Variants in COL14A1 observed in about 807,000 individuals in gnomAD.
COL14A1 encodes collagen type XIV alpha 1 chain, also known as collagen alpha-1(XIV) chain.
A neutral mutation model predicts 230.3 loss-of-function variants in COL14A1; 136 were observed. That is an observed-to-expected ratio of 0.59 (90% confidence interval 0.51 to 0.68). The LOEUF (loss-of-function observed/expected upper bound fraction) is 0.68, where lower values mean the gene tolerates loss of function less well. Ranked by LOEUF, COL14A1 falls within the 30% of genes least tolerant of loss-of-function variation. The pLI is 0.00. For missense variants in COL14A1, 1,976 were observed against 2,215.8 expected (o/e 0.89, Z 2.17); for synonymous variants, 792 against 784.1 (o/e 1.01, Z -0.17).
chr8:120,341,417 A>G (rs1822294749), intron 43 of COL14A1, 57 bp downstream of exon 43: 3 of 1,535,648 alleles, frequency 2.0e-6, no homozygotes, highest in Non-Finnish European at 2.7e-6. Context: ...CTTCCATTGC[A>G]TAAGCCTGAT....
At chr8:120,336,267 G>C (rs1822068186) in intron 42 of COL14A1, among the ~76,000 whole-genome samples, 1 of 152,122 alleles carries the variant, frequency 6.6e-6, no homozygotes, top group African/African-American at 2.4e-5. Flanking sequence ...AGACCCCTAA[G>C]CTGAGGGGTG....
chr8:120,359,298 C>A (rs1348741759), intron 45 of COL14A1, among the ~76,000 whole-genome samples: 1 of 150,354 alleles, frequency 6.7e-6, no homozygotes, highest in Non-Finnish European at 1.5e-5. Context: ...CATTATTCAA[C>A]TCCCACTTAT....
At chr8:120,272,370 T>C (rs1272889299) in intron 26 of COL14A1, among the ~76,000 whole-genome samples, 2 of 151,640 alleles carry the variant, frequency 1.3e-5, no homozygotes, top group Non-Finnish European at 3.0e-5. Context: ...ATAGGGCCTA[T>C]AAAACAATAA....
intron 19 of COL14A1, among the ~76,000 whole-genome samples, chr8:120,238,328 G>T (rs1818509665): frequency 6.6e-6 from 1 of 152,138 alleles, no homozygotes; most frequent in South Asian, 2.1e-4. Flanking sequence ...ATCTAGAGAG[G>T]CAGTCTGGCT....
intron 33 of COL14A1, among the ~76,000 whole-genome samples, chr8:120,289,317 T>C (rs1470729034): frequency 6.6e-6 from 1 of 152,174 alleles, no homozygotes; most frequent in Non-Finnish European, 1.5e-5. Flanking sequence ...ACAGCAGTCC[T>C]GTAATTTCAA....
At position 120,203,810 on chromosome 8, in the gene COL14A1, G is replaced by T; in HGVS notation, c.979G>T (p.Val327Leu). ...CGAATTCGATCTGATGCACACAGTTGTGGAGAGTCTGACCAGGACTCTCTG... is the reference window on the plus strand; with the variant it reads ...CGAATTCGATCTGATGCACACAGTTTTGGAGAGTCTGACCAGGACTCTCTG... ...VAEFDLMHTV[V>L]ESLTRTLCSR... Residue 327 changes from valine (V) to leucine (L), a missense_variant, in exon 9 of 48, where the codon GTG (valine) becomes TTG (leucine). Physicochemically the swap from Val to Leu is conservative, Grantham distance 32. Transcript: ENST00000297848. The T allele has an allele frequency of 1.2e-6, 2 of 1,613,988 alleles. No homozygotes were observed. The highest frequency in any genetic ancestry group is 8.5e-7 in the Non-Finnish European group (1 of 1,179,912).
chr8:120,149,266 A>G (rs540091638), intron 2 of COL14A1, among the ~76,000 whole-genome samples: 17 of 152,294 alleles, frequency 1.1e-4, no homozygotes, highest in African/African-American at 3.1e-4. Context: ...ACCACCACAC[A>G]CTGTTTCCTT....
At chr8:120,161,378 G>A (rs1364494642) in intron 3 of COL14A1, among the ~76,000 whole-genome samples, 3 of 152,132 alleles carry the variant, frequency 2.0e-5, no homozygotes, top group Admixed American at 1.3e-4. Context: ...AGTAAAATTT[G>A]GAATTCTGCA....
At chr8:120,202,763 C>T (rs905998347) in intron 8 of COL14A1, among the ~76,000 whole-genome samples, 4 of 151,668 alleles carry the variant, frequency 2.6e-5, no homozygotes, top group East Asian at 3.9e-4. Flanking sequence ...TTTAAGGGTT[C>T]GTGTTCACTG....
At chr8:120,225,037 C>A (rs1428428454) in intron 14 of COL14A1, 51 bp from the exon 15 acceptor site, 23 of 1,551,912 alleles carry the variant, frequency 1.5e-5, no homozygotes, top group Non-Finnish European at 1.9e-5. Flanking sequence ...TAAAATGATT[C>A]TTATACTTAG....
At chr8:120,175,354 A>G (rs1411468492) in intron 5 of COL14A1, among the ~76,000 whole-genome samples, 4 of 152,224 alleles carry the variant, frequency 2.6e-5, no homozygotes, top group African/African-American at 7.2e-5. Context: ...GAAATAATTA[A>G]GAGACTGATA....
chr8:120,137,333 G>A (rs1017861736), intron 1 of COL14A1, among the ~76,000 whole-genome samples: 1 of 151,938 alleles, frequency 6.6e-6, no homozygotes, highest in Admixed American at 6.6e-5. Flanking sequence ...TCCTGGTATT[G>A]TTAATTGTGT....
At chr8:120,311,037 T>G (rs1312594608) in intron 37 of COL14A1, among the ~76,000 whole-genome samples, 1 of 151,984 alleles carries the variant, frequency 6.6e-6, no homozygotes, top group Admixed American at 6.5e-5. Context: ...TACCATAAAA[T>G]TGGAAACAGA....
chr8:120,226,669 C>A lies in COL14A1; in HGVS notation c.1907C>A (p.Thr636Lys). The A allele has an allele frequency of 6.2e-7, 1 of 1,613,774 alleles. No individual in the cohort carries two copies. Among genetic ancestry groups the A allele is most frequent in the Non-Finnish European group, 8.5e-7 (1 of 1,179,826 alleles). Reference protein sequence around the residue: ...AQQYLEIDEVTTDSFRVTWHP... With the variant: ...AQQYLEIDEVKTDSFRVTWHP... ...CAATACTTAGAAATTGATGAGGTGA[C>A]GACAGACAGTTTTAGGGTGACCTGG... The change falls in exon 16 of 48, where the codon ACG (threonine) becomes AAG (lysine). Residue 636 changes from threonine to lysine, a missense_variant. Physicochemically the swap from Thr to Lys is moderately conservative, Grantham distance 78. Coordinates refer to ENST00000297848, the MANE Select transcript of COL14A1 (RefSeq NM_021110.4).
At chr8:120,161,140 G>T (rs1436056057) in intron 3 of COL14A1, among the ~76,000 whole-genome samples, 1 of 152,146 alleles carries the variant, frequency 6.6e-6, no homozygotes, top group African/African-American at 2.4e-5. Context: ...GCAAGAGAAA[G>T]ACTCCATTTT....
chr8:120,356,532 G>C (rs1371589936), intron 45 of COL14A1, among the ~76,000 whole-genome samples: 1 of 152,180 alleles, frequency 6.6e-6, no homozygotes, highest in African/African-American at 2.4e-5. Flanking sequence ...TGATGACATG[G>C]TGGTAAACAG....
In COL14A1 at chr8:120,250,752, G is replaced by T. The variant is rs775888383; in HGVS notation, c.2738G>T (p.Gly913Val). The change falls in exon 22 of 48, where the codon GGC (glycine) becomes GTC (valine). Residue 913 changes from glycine to valine, a missense_variant. Transcript: ENST00000297848. Reference protein sequence around the residue: ...QASGFSDALTGMVKTLFLGVT... With the variant: ...QASGFSDALTVMVKTLFLGVT... ...TCAGGCTTCAGCGACGCCCTGACAG[G>T]CATGGTGAAAACATGTAAGAGCCAT... 11 of 1,613,966 alleles carry T rather than the reference G, an allele frequency of 6.8e-6. No individual in the cohort carries two copies. In the Admixed American group the frequency reaches 1.0e-4, roughly 15 times the overall value.
At chr8:120,345,318 C>A in intron 44 of COL14A1, 57 bp from the exon 45 acceptor site, 1 of 1,471,588 alleles carries the variant, frequency 6.8e-7, no homozygotes. Context: ...CACCCCTGGT[C>A]CTCTCTTTCC....
At chr8:120,202,989 A>AATATACATATATATATATATATATAT (rs1171878593) in intron 8 of COL14A1, among the ~76,000 whole-genome samples, 2 of 106,554 alleles carry the variant, frequency 1.9e-5, no homozygotes, top group Non-Finnish European at 4.0e-5. Context: ...AATAATTTCA[A>AATATACATATATATATATATATATAT]ATATATATAT....
Sources: allele counts gnomAD v4.1 joint callset (sites outside exome capture counted in the v4.1 genomes callset), GRCh38; gene constraint gnomAD v4.1.1; transcripts MANE v1.5; gene names NCBI Gene and HGNC (gene_info 2026-07-23, HGNC 2026-07-21).